IFNLR1: variants seen among roughly 807,000 people sequenced by gnomAD.
IFNLR1 encodes CRF2-12.
IFNLR1 carries 28 observed loss-of-function variants against 52.5 expected under a neutral mutation model. The ratio of observed to expected loss-of-function variants is 0.53; its 90% CI spans 0.40 to 0.73. The LOEUF (loss-of-function observed/expected upper bound fraction) is 0.73. IFNLR1 is among the 30% of genes least tolerant of loss of function. The probability of loss-of-function intolerance (pLI) is 0.00; values close to 1 mark genes in which losing one functional copy is unlikely to be tolerated. For missense variants in IFNLR1, 623 were observed against 659.1 expected, an observed-to-expected ratio of 0.95 and a Z score of 0.60; for synonymous variants, 276 against 274.9, an observed-to-expected ratio of 1.00 and a Z score of -0.04.
chr1:24,157,907 G>A lies in IFNLR1; in HGVS notation c.802-16C>T. On this transcript the variant is annotated splice_polypyrimidine_tract_variant and intron_variant, in intron 6 of 6. Transcript: ENST00000327535. This position sits in a 1 kb window ranked among gnomAD's most constrained non-coding sequence, Gnocchi z 5.1. ...CAGAAAAGTCCTGATTTGGGTAGGGGAGAGAAAAGCAGAAAATTTAGGCTT... is the reference window on the plus strand; with the variant it reads ...CAGAAAAGTCCTGATTTGGGTAGGGAAGAGAAAAGCAGAAAATTTAGGCTT... 1 of 1,533,806 alleles carries A rather than the reference G, an allele frequency of 6.5e-7. No homozygotes were observed. The highest frequency in any genetic ancestry group is 8.7e-7 in the Non-Finnish European group (1 of 1,144,312).
intron 2 of IFNLR1, among the ~76,000 whole-genome samples, chr1:24,175,085 G>T (rs140434571): frequency 2.0e-3 from 312 of 152,344 alleles, no homozygotes; most frequent in African/African-American, 7.2e-3. Context: ...TGGACTTCTG[G>T]GATTCTAAAG....
Position 24,180,762 on chromosome 1 carries a change from G to C in IFNLR1, c.151C>G (p.Gln51Glu). The C allele has an allele frequency of 6.2e-7, 1 of 1,610,946 alleles. No individual in the cohort carries two copies. The highest frequency in any genetic ancestry group is 8.5e-7 in the Non-Finnish European group (1 of 1,178,862). ...LTWLPGLGNP[Q>E]DVTYFVAYQS... is the part of the protein sequence containing the mutation. ...TAGGCCACAAAATAGGTCACATCCT[G>C]GGGGTTGCCAAGCCCTGGGAGCCAT... The change falls in exon 2 of 7, where the codon CAG becomes GAG. Residue 51 changes from glutamine (Q) to glutamate (E), a missense_variant. Physicochemically the swap from Gln to Glu is conservative, Grantham distance 29. Coordinates refer to ENST00000327535, the MANE Select transcript of IFNLR1 (RefSeq NM_170743.4).
At chr1:24,174,958 A>G (rs1644617595) in intron 2 of IFNLR1, among the ~76,000 whole-genome samples, 2 of 152,210 alleles carry the variant, frequency 1.3e-5, no homozygotes, top group African/African-American at 4.8e-5. Context: ...GGTGCAACTC[A>G]TAGACTTAAT....
chr1:24,183,108 A>G (rs904124374), intron 1 of IFNLR1, among the ~76,000 whole-genome samples: 4 of 152,166 alleles, frequency 2.6e-5, no homozygotes, highest in Non-Finnish European at 4.4e-5. Context: ...GCTCTAGATC[A>G]TAACTATGTA....
At chr1:24,175,129 A>G (rs1644619141) in intron 2 of IFNLR1, among the ~76,000 whole-genome samples, 1 of 152,236 alleles carries the variant, frequency 6.6e-6, no homozygotes, top group Admixed American at 6.5e-5. Flanking sequence ...TTGGCTGTGA[A>G]CACGCAATAT....
intron 5 of IFNLR1, 144 bp from the exon 6 acceptor site, chr1:24,159,326 G>C: frequency 8.0e-7 from 1 of 1,246,974 alleles, no homozygotes; most frequent in Non-Finnish European, 1.1e-6. Context: ...CAAGGTTTGG[G>C]GCATTATGTA....
chr1:24,164,475 T>A (rs1359361669), intron 3 of IFNLR1, among the ~76,000 whole-genome samples: 1 of 152,164 alleles, frequency 6.6e-6, no homozygotes, highest in Non-Finnish European at 1.5e-5. Context: ...CTCCTATGGA[T>A]GTCATGGGGG....
intron 2 of IFNLR1, among the ~76,000 whole-genome samples, chr1:24,175,226 G>A (rs1249863694): frequency 2.0e-5 from 3 of 152,228 alleles, no homozygotes; most frequent in Admixed American, 6.5e-5. Context: ...AGGCAACACT[G>A]TCCCCTCCTT....
intron 2 of IFNLR1, among the ~76,000 whole-genome samples, chr1:24,174,714 CA>C (rs1337556744): frequency 6.6e-6 from 1 of 152,112 alleles, no homozygotes; most frequent in Non-Finnish European, 1.5e-5. Context: ...GGATGCTTAG[CA>C]GAAGAGATTT....
rs777122633 is a variant in IFNLR1 at position 24,169,479 on chromosome 1, G to T, written c.305C>A (p.Thr102Lys). 5.6e-6 allele frequency: 9 copies of T among 1,614,078 alleles called. No homozygotes were observed. Among genetic ancestry groups the T allele is most frequent in the African/African-American group, 1.3e-5 (1 of 74,930 alleles). ...GGGGGACTTGGAGCTGGGAGAAACC[G>T]TCCGCACGCGTCCCTTGAACTTGTT... Reference protein sequence around the residue: ...LYNKFKGRVRTVSPSSKSPWV... With the variant: ...LYNKFKGRVRKVSPSSKSPWV... The change falls in exon 3 of 7, where the codon ACG (threonine) becomes AAG (lysine). Residue 102 changes from threonine to lysine, a missense_variant. Physicochemically the swap from Thr to Lys is moderately conservative, Grantham distance 78. Coordinates refer to ENST00000327535, the MANE Select transcript of IFNLR1 (RefSeq NM_170743.4).
Position 24,169,752 on chromosome 1 carries a change from A to C in IFNLR1, c.183-151T>G. 6 of 764,326 alleles carry C rather than the reference A, an allele frequency of 7.9e-6. No individual in the cohort carries two copies. The South Asian group carries it at 1.1e-4, about 14-fold the overall frequency. 47.3% of individuals were successfully genotyped at this position (764,326 alleles called of 1,614,324 possible). The stretch of plus-strand genomic sequence containing the variant: ...GGCAGCCACTGGCTGAGACAGGATA[A>C]GAACAGCCTGGTCAGGAGCTCAGGT... On this transcript the variant is annotated intron_variant, in intron 2 of 6. Transcript: ENST00000327535.
chr1:24,176,713 TAG>T (rs776619273), intron 2 of IFNLR1, among the ~76,000 whole-genome samples: 37 of 152,184 alleles, frequency 2.4e-4, no homozygotes, highest in Non-Finnish European at 5.0e-4. Context: ...CTATTTCATT[TAG>T]AGAGCAGAAT....
Position 24,157,068 on chromosome 1 carries a change from A to T in IFNLR1, c.*62T>A, listed in dbSNP as rs190737162. 6.6e-7 allele frequency: 1 copy of T among 1,522,572 alleles called. No individual in the cohort carries two copies. The highest frequency in any genetic ancestry group is 2.3e-5 in the East Asian group (1 of 44,218). 94.3% of individuals were successfully genotyped at this position (1,522,572 alleles called of 1,614,324 possible). On this transcript the variant is annotated 3_prime_UTR_variant, in exon 7 of 7. Transcript: ENST00000327535. The surrounding 1 kb of genome is among the most constrained non-coding windows in gnomAD (Gnocchi z 5.1). ...ACGGAGGCTCTTGAGTTTCTTGGGAAGCCCAGTAGTCCTTGCAAAGGCAGC... is the reference window on the plus strand; with the variant it reads ...ACGGAGGCTCTTGAGTTTCTTGGGATGCCCAGTAGTCCTTGCAAAGGCAGC...
rs755792391 is a variant in IFNLR1, at chr1:24,180,740, G to A, written c.173C>T (p.Ala58Val). ...AGAGAGTCCCCTCTACCTCTGATAG[G>A]CCACAAAATAGGTCACATCCTGGGG... The part of the protein sequence containing the change: ...GNPQDVTYFV[A>V]YQSSPTRRRW... Residue 58 changes from alanine (A) to valine (V), a missense_variant, in exon 2 of 7, where the codon GCC (alanine) becomes GTC (valine). By Grantham distance (64) the Ala-to-Val change is moderately conservative. Coordinates refer to ENST00000327535, the MANE Select transcript of IFNLR1 (RefSeq NM_170743.4). The A allele has an allele frequency of 1.2e-6, 2 of 1,608,758 alleles. No homozygotes were observed. Among genetic ancestry groups the A allele is most frequent in the Non-Finnish European group, 1.7e-6 (2 of 1,176,928 alleles).
At chr1:24,162,699 TTCTTTTCTTTTCTTTCTTTC>T (rs1644456742) in intron 3 of IFNLR1, among the ~76,000 whole-genome samples, 1 of 28,242 alleles carries the variant, frequency 3.5e-5, no homozygotes, top group Non-Finnish European at 7.2e-5. Flanking sequence ...GAACTCACTT[TTCTTTTCTTTTCTTTCTTTC>T]TTTCTTTTCT....
rs1029325459 is a variant in IFNLR1 at position 24,155,679 on chromosome 1, C to G, written c.*1451G>C. 1 of 152,218 alleles carries G rather than the reference C, an allele frequency of 6.6e-6. No homozygotes were observed. The highest frequency in any genetic ancestry group is 2.1e-4 in the South Asian group (1 of 4,834). 9.4% of individuals were successfully genotyped at this position (152,218 alleles called of 1,614,324 possible). On this transcript the variant is annotated 3_prime_UTR_variant, in exon 7 of 7. Coordinates refer to ENST00000327535, the MANE Select transcript of IFNLR1 (RefSeq NM_170743.4). Reference sequence around the variant, plus strand: ...TCCAGTTCTGCCATTTAATGCTGTACCCTTGTGGTGGCTTTAAAGCAACAC... The same window carrying G: ...TCCAGTTCTGCCATTTAATGCTGTAGCCTTGTGGTGGCTTTAAAGCAACAC...
At chr1:24,177,491 C>T (rs74223912) in intron 2 of IFNLR1, among the ~76,000 whole-genome samples, 21 of 152,320 alleles carry the variant, frequency 1.4e-4, no homozygotes, top group Admixed American at 2.6e-4. Context: ...GCATCCCGCA[C>T]GGGAGAAAGA....
chr1:24,175,027 A>G (rs557765652), intron 2 of IFNLR1, among the ~76,000 whole-genome samples: 1 of 152,382 alleles, frequency 6.6e-6, no homozygotes, highest in African/African-American at 2.4e-5. Flanking sequence ...AGGCACTTCC[A>G]GCTTTGACTA....
At chr1:24,161,100 C>T (rs755390530) in intron 4 of IFNLR1, among the ~76,000 whole-genome samples, 3 of 152,182 alleles carry the variant, frequency 2.0e-5, no homozygotes, top group Non-Finnish European at 4.4e-5. Context: ...TGTGCTATAA[C>T]TGCAGCGTTG....
Sources: allele counts gnomAD v4.1 joint callset (sites outside exome capture counted in the v4.1 genomes callset), GRCh38; gene constraint gnomAD v4.1.1; non-coding constraint Gnocchi (gnomAD v3.1); transcripts MANE v1.5; gene names NCBI Gene and HGNC (gene_info 2026-07-23, HGNC 2026-07-21).